Variants in KIF13B observed in about 807,000 individuals in gnomAD.
KIF13B encodes kinesin-like protein KIF13B.
Under a neutral mutation model 222.0 loss-of-function variants are expected in KIF13B, and 127 were observed. That is an observed-to-expected ratio of 0.57 (90% CI 0.50 to 0.66). The LOEUF (loss-of-function observed/expected upper bound fraction) is 0.66. KIF13B is among the 30% of genes least tolerant of loss of function. The probability of loss-of-function intolerance (pLI) is 0.00; values close to 1 mark genes in which losing one functional copy is unlikely to be tolerated. For missense variants in KIF13B, 2,173 were observed against 2,379.0 expected, an observed-to-expected ratio of 0.91 and a Z score of 1.80; for synonymous variants, 976 against 919.0, an observed-to-expected ratio of 1.06 and a Z score of -1.12.
chr8:29,215,934 AATTTGTTTTGTGT>A (rs1447799496), intron 2 of KIF13B, among the ~76,000 whole-genome samples: 5 of 152,178 alleles, frequency 3.3e-5, no homozygotes, highest in African/African-American at 1.2e-4. Flanking sequence ...TATATCTGAA[AATTTGTTTTGTGT>A]ATTCATCTTC....
At chr8:29,095,333 T>C (rs767473502) in intron 36 of KIF13B, among the ~76,000 whole-genome samples, 12 of 152,204 alleles carry the variant, frequency 7.9e-5, no homozygotes, top group Non-Finnish European at 1.3e-4. Flanking sequence ...GGAAACATCT[T>C]TGAAGTGCTA....
At chr8:29,114,339 G>A (rs1048269040) in intron 31 of KIF13B, among the ~76,000 whole-genome samples, 1 of 152,148 alleles carries the variant, frequency 6.6e-6, no homozygotes, top group East Asian at 1.9e-4. Context: ...CCTACCTAAT[G>A]ATGATTTATT....
chr8:29,223,619 A>G (rs182893820), intron 2 of KIF13B, among the ~76,000 whole-genome samples: 179 of 152,380 alleles, frequency 1.2e-3, no homozygotes, highest in African/African-American at 4.1e-3. Context: ...AAGCCAGATG[A>G]TAAAGATAGT....
chr8:29,142,840 T>C (rs1810879772), intron 18 of KIF13B, among the ~76,000 whole-genome samples: 1 of 149,606 alleles, frequency 6.7e-6, no homozygotes, highest in Non-Finnish European at 1.5e-5. Context: ...CTCTCAAAAA[T>C]AAATAAATAT....
intron 5 of KIF13B, 60 bp downstream of exon 5, chr8:29,188,455 C>CA: frequency 9.4e-7 from 1 of 1,063,110 alleles, no homozygotes; most frequent in Non-Finnish European, 1.4e-6. Flanking sequence ...GTAAAATAAA[C>CA]ATGGTTCTAT....
chr8:29,120,311 C>T (rs1472001645), intron 29 of KIF13B, among the ~76,000 whole-genome samples: 2 of 110,434 alleles, frequency 1.8e-5, no homozygotes, highest in Non-Finnish European at 3.7e-5. Flanking sequence ...GTATATCTCC[C>T]AATGCTATCC....
rs142554080 is a variant in KIF13B, at chr8:29,162,544, T to A, written c.1270-1677A>T. On this transcript the variant is annotated intron_variant, in intron 12 of 39. Transcript: ENST00000524189. ...TTGAAAAAGACTCATGTCCATAAGA[T>A]GAGGTAACTAACTATACCTTTCTCT... is the stretch of plus-strand genomic sequence containing the variant. Among the ~76,000 whole-genome samples, 613 of 152,352 alleles carry A rather than the reference T, an allele frequency of 4.0e-3. 4 individuals are homozygous for A. The highest frequency in any genetic ancestry group is 0.013 in the African/African-American group (560 of 41,586).
At chr8:29,226,410 G>A (rs17456888) in intron 2 of KIF13B, among the ~76,000 whole-genome samples, 13,805 of 152,222 alleles carry the variant, frequency 0.091, 860 homozygotes, top group Non-Finnish European at 0.13. Context: ...GCTTTTTACT[G>A]GGCGGGTTCA....
intron 3 of KIF13B, among the ~76,000 whole-genome samples, chr8:29,192,601 A>G (rs898006184): frequency 3.9e-5 from 6 of 152,214 alleles, no homozygotes; most frequent in African/African-American, 1.2e-4. Context: ...AAAATATTTT[A>G]TCTATCTCTG....
intron 2 of KIF13B, among the ~76,000 whole-genome samples, chr8:29,205,898 CAT>C (rs1813909053): frequency 7.1e-6 from 1 of 141,048 alleles, no homozygotes; most frequent in South Asian, 2.3e-4. Flanking sequence ...GCCTGCATAA[CAT>C]AGCAAAACTC....
rs777224654 is a variant in KIF13B, at chr8:29,182,012, C to T, written c.498-6G>A. ...CTTTCAACGTCTGACGGCTTCTGTT[C>T]ATGAAAAACAAAGAAATGATTTTTT... On this transcript the variant is annotated splice_polypyrimidine_tract_variant and splice_region_variant and intron_variant, in intron 6 of 39. Transcript: ENST00000524189. 2.0e-5 allele frequency: 33 copies of T among 1,609,954 alleles called. No homozygotes were observed. The highest frequency in any genetic ancestry group is 2.6e-5 in the Non-Finnish European group (31 of 1,177,096).
At chr8:29,185,899 G>A (rs931629351) in intron 6 of KIF13B, among the ~76,000 whole-genome samples, 2 of 152,176 alleles carry the variant, frequency 1.3e-5, no homozygotes, top group Admixed American at 1.3e-4. Flanking sequence ...TCAAACCAGC[G>A]TTTGTGAAGG....
chr8:29,222,552 T>C, intron 2 of KIF13B, among the ~76,000 whole-genome samples: 1 of 108,082 alleles, frequency 9.3e-6, no homozygotes, highest in African/African-American at 3.4e-5. Flanking sequence ...TTTTTTTTTT[T>C]TTTGTAGAGA....
intron 2 of KIF13B, among the ~76,000 whole-genome samples, chr8:29,243,407 A>G (rs1035718586): frequency 1.3e-5 from 2 of 151,742 alleles, no homozygotes; most frequent in African/African-American, 4.8e-5. Flanking sequence ...CCGTAATCCC[A>G]GCACTTTGGG....
At chr8:29,167,096 A>C (rs1014486175) in intron 11 of KIF13B, among the ~76,000 whole-genome samples, 4 of 152,180 alleles carry the variant, frequency 2.6e-5, no homozygotes, top group African/African-American at 9.7e-5. Context: ...CTATTCTATT[A>C]TACCTCTCTC....
At chr8:29,246,117 C>T (rs975981652) in intron 1 of KIF13B, among the ~76,000 whole-genome samples, 4 of 152,250 alleles carry the variant, frequency 2.6e-5, no homozygotes, top group East Asian at 3.9e-4. Flanking sequence ...CGGTGGCTCA[C>T]GTCTGTAATC....
intron 9 of KIF13B, among the ~76,000 whole-genome samples, chr8:29,177,051 G>C (rs772435888): frequency 1.3e-5 from 2 of 152,184 alleles, no homozygotes; most frequent in South Asian, 4.1e-4. Flanking sequence ...GCTTAGACCA[G>C]TGGTTCTCAA....
chr8:29,160,825 A>C lies in KIF13B; in HGVS notation c.1312T>G (p.Ser438Ala), dbSNP rs1465816209. The C allele has an allele frequency of 1.9e-6, 3 of 1,613,638 alleles. No homozygotes were observed. The highest frequency in any genetic ancestry group is 2.5e-6 in the Non-Finnish European group (3 of 1,179,610). Residue 438 changes from serine to alanine, a missense_variant, in exon 13 of 40, where the codon TCT becomes GCT. Transcript: ENST00000524189. ...TCATCCCCAACTTTGATTCCCGAAG[A>C]CTGAAGAGATATTCCAAGACTCTCA... Reference protein sequence around the residue: ...QLESLGISLQSSGIKVGDDKC... With the variant: ...QLESLGISLQASGIKVGDDKC...
intron 31 of KIF13B, among the ~76,000 whole-genome samples, chr8:29,115,873 T>G (rs1403732959): frequency 3.9e-5 from 6 of 152,060 alleles, no homozygotes. Flanking sequence ...CCCTCCTCTC[T>G]AAGTCCCAGT....
Sources: allele counts gnomAD v4.1 joint callset (sites outside exome capture counted in the v4.1 genomes callset), GRCh38; gene constraint gnomAD v4.1.1; transcripts MANE v1.5; gene names NCBI Gene and HGNC (gene_info 2026-07-23, HGNC 2026-07-21).